Variants in MFHAS1 observed in about 807,000 individuals in gnomAD.
MFHAS1 encodes malignant fibrous histiocytoma-amplified sequence 1.
MFHAS1 carries 50 observed loss-of-function variants against 70.4 expected under a neutral mutation model. The observed-to-expected ratio is 0.71, with a 90% CI of 0.57 to 0.90. MFHAS1 has a LOEUF of 0.90. MFHAS1 is among the 40% of genes least tolerant of loss of function. The pLI is 0.00. For synonymous variants in MFHAS1, 952 were observed against 620.0 expected (o/e 1.54, Z -7.96); for missense variants, 1,795 against 1,347.6 (o/e 1.33, Z -5.20).
rs777558193 is a variant in MFHAS1 at position 8,890,941 on chromosome 8, G to A, written c.2118C>T (p.Tyr706=). The change falls in exon 1 of 3, where the codon TAC becomes TAT. Residue 706 remains tyrosine, a synonymous_variant. Transcript: ENST00000276282. ...TEDRLQSALS[Y]LHESGKLLYF... ...AGAGTAGCTTGCCGCTCTCATGCAGGTAGGAGAGGGCACTCTGCAGTCGGT... is the reference window on the plus strand; with the variant it reads ...AGAGTAGCTTGCCGCTCTCATGCAGATAGGAGAGGGCACTCTGCAGTCGGT... 9 of 1,613,938 alleles carry A rather than the reference G, an allele frequency of 5.6e-6. No individual in the cohort carries two copies. The African/African-American group carries it at 8.0e-5, about 14-fold the overall frequency.
intron 1 of MFHAS1, among the ~76,000 whole-genome samples, chr8:8,830,944 G>A (rs1470945987): frequency 6.6e-6 from 1 of 152,152 alleles, no homozygotes; most frequent in Non-Finnish European, 1.5e-5. Flanking sequence ...CTTGCTCTTT[G>A]TCTTAGTCTG....
At chr8:8,830,596 A>AATCCT (rs2117322273) in intron 1 of MFHAS1, among the ~76,000 whole-genome samples, 1 of 152,272 alleles carries the variant, frequency 6.6e-6, no homozygotes, top group African/African-American at 2.4e-5. Context: ...TAAAGCAAGG[A>AATCCT]ATCCTATCCT....
At chr8:8,855,831 C>T (rs887151900) in intron 1 of MFHAS1, among the ~76,000 whole-genome samples, 3 of 151,944 alleles carry the variant, frequency 2.0e-5, no homozygotes, top group African/African-American at 4.8e-5. Flanking sequence ...ACTCCAGCTT[C>T]GGCAACAGAG....
intron 1 of MFHAS1, among the ~76,000 whole-genome samples, chr8:8,886,749 T>C (rs1269788994): frequency 6.6e-6 from 1 of 152,364 alleles, no homozygotes; most frequent in East Asian, 1.9e-4. Flanking sequence ...AAAATTGTTA[T>C]AGTTTATAGG....
intron 1 of MFHAS1, among the ~76,000 whole-genome samples, chr8:8,821,521 T>C (rs1003317671): frequency 7.9e-5 from 12 of 152,200 alleles, no homozygotes; most frequent in African/African-American, 2.4e-4. Flanking sequence ...TACCAGTCAA[T>C]CATCACTGAT....
At chr8:8,830,887 G>A (rs945858441) in intron 1 of MFHAS1, among the ~76,000 whole-genome samples, 2 of 152,140 alleles carry the variant, frequency 1.3e-5, no homozygotes, top group Admixed American at 1.3e-4. Flanking sequence ...ATGAGCCACC[G>A]TGCCCAGCCA....
At chr8:8,878,460 G>A (rs749561448) in intron 1 of MFHAS1, among the ~76,000 whole-genome samples, 30 of 152,256 alleles carry the variant, frequency 2.0e-4, no homozygotes, top group African/African-American at 5.5e-4. Context: ...ATGAGAAAAC[G>A]TCAACATTGT....
At chr8:8,815,217 T>A (rs971340840) in intron 1 of MFHAS1, among the ~76,000 whole-genome samples, 3 of 152,216 alleles carry the variant, frequency 2.0e-5, no homozygotes, top group African/African-American at 7.2e-5. Context: ...TATGGCTGCA[T>A]TGTATTCCAT....
intron 1 of MFHAS1, among the ~76,000 whole-genome samples, chr8:8,883,706 T>TAAA (rs1563219802): frequency 2.2e-4 from 8 of 35,708 alleles, no homozygotes; most frequent in African/African-American, 1.3e-3. Flanking sequence ...AGACTCAGTC[T>TAAA]CAAAAAAAAA....
chr8:8,822,921 A>C (rs1168725190), intron 1 of MFHAS1, among the ~76,000 whole-genome samples: 1 of 152,206 alleles, frequency 6.6e-6, no homozygotes, highest in Non-Finnish European at 1.5e-5. Context: ...ACTGAAAACC[A>C]GAAAATCAGG....
intron 1 of MFHAS1, among the ~76,000 whole-genome samples, chr8:8,833,319 T>C (rs766130431): frequency 1.3e-5 from 2 of 152,066 alleles, no homozygotes; most frequent in African/African-American, 2.4e-5. Context: ...TCTGGAAAAA[T>C]TTGGCAGCTT....
Position 8,890,654 on chromosome 8 carries a change from AC to A in MFHAS1, c.2404del (p.Val802SerfsTer40). 5 of 1,613,612 alleles carry A rather than the reference AC, an allele frequency of 3.1e-6. No individual in the cohort carries two copies. Among genetic ancestry groups the A allele is most frequent in the Non-Finnish European group, 4.2e-6 (5 of 1,179,672 alleles). On this transcript the variant is annotated frameshift_variant, in exon 1 of 3. Coordinates refer to ENST00000276282, the MANE Select transcript of MFHAS1 (RefSeq NM_004225.3). LOFTEE classifies it high-confidence loss of function. ...ATGAGGCTTAAGCAGCAACCGAATG[AC>A]ATGAGCTGGCAAGAGCCCATGCAAC... ...FLLHGLLPAH[V>X]IRLLLKPHVQ...
At chr8:8,871,680 C>T (rs145060586) in intron 1 of MFHAS1, among the ~76,000 whole-genome samples, 57 of 152,178 alleles carry the variant, frequency 3.7e-4, no homozygotes, top group Admixed American at 1.9e-3. Context: ...TATTTACAGA[C>T]GAAATTGAGG....
chr8:8,810,859 T>C (rs185005790), intron 1 of MFHAS1, among the ~76,000 whole-genome samples: 65 of 152,184 alleles, frequency 4.3e-4, no homozygotes, highest in African/African-American at 1.4e-3. Context: ...TGCAGATTCA[T>C]TTTTCTCCAA....
chr8:8,828,379 T>C (rs1176679687), intron 1 of MFHAS1, among the ~76,000 whole-genome samples: 4 of 152,170 alleles, frequency 2.6e-5, no homozygotes, highest in Non-Finnish European at 5.9e-5. Flanking sequence ...GCAGAACACA[T>C]GCCAAGGCCT....
chr8:8,817,369 T>TA (rs1806786319), intron 1 of MFHAS1, among the ~76,000 whole-genome samples: 1 of 152,228 alleles, frequency 6.6e-6, no homozygotes, highest in African/African-American at 2.4e-5. Flanking sequence ...ATTCGCTTAA[T>TA]AAAGCCATTT....
chr8:8,812,610 C>G (rs1473617086), intron 1 of MFHAS1, among the ~76,000 whole-genome samples: 2 of 152,084 alleles, frequency 1.3e-5, no homozygotes, highest in Non-Finnish European at 2.9e-5. Flanking sequence ...GGTTTTTGCC[C>G]TAGGTGTGCA....
At position 8,891,971 on chromosome 8, in the gene MFHAS1, T is replaced by C. The variant is rs764637618; in HGVS notation, c.1088A>G (p.Gln363Arg). 6.0e-5 allele frequency: 97 copies of C among 1,612,518 alleles called. No homozygotes were observed. Among genetic ancestry groups the C allele is most frequent in the Non-Finnish European group, 8.0e-5 (94 of 1,179,344 alleles). Residue 363 changes from glutamine (Q) to arginine (R), a missense_variant, in exon 1 of 3, where the codon CAG becomes CGG. Transcript: ENST00000276282. The surrounding 1 kb of genome is among the most constrained non-coding windows in gnomAD (Gnocchi z 5.4). Reference sequence around the variant, plus strand: ...CTTCCACAAACCCACCCGGGAGAGCTGGCCAAAGTGGTCGGGCAGCACCGC... The same window carrying C: ...CTTCCACAAACCCACCCGGGAGAGCCGGCCAAAGTGGTCGGGCAGCACCGC... The part of the protein sequence containing the change: ...QIAVLPDHFG[Q>R]LSRVGLWKIK...
chr8:8,837,378 C>T (rs1482551335), intron 1 of MFHAS1, among the ~76,000 whole-genome samples: 1 of 152,188 alleles, frequency 6.6e-6, no homozygotes, highest in African/African-American at 2.4e-5. Context: ...CGCAGTGGCT[C>T]ACGCCTAATC....
Sources: allele counts gnomAD v4.1 joint callset (sites outside exome capture counted in the v4.1 genomes callset), GRCh38; gene constraint gnomAD v4.1.1; non-coding constraint Gnocchi (gnomAD v3.1); transcripts MANE v1.5; gene names NCBI Gene and HGNC (gene_info 2026-07-23, HGNC 2026-07-21).